Variants in HOOK3 observed in about 807,000 individuals in gnomAD.
HOOK3 encodes the protein protein Hook homolog 3.
HOOK3 carries 24 observed loss-of-function variants against 116.3 expected under a neutral mutation model. The ratio of observed to expected loss-of-function variants is 0.21; its 90% CI spans 0.15 to 0.29. The LOEUF (loss-of-function observed/expected upper bound fraction) is 0.29. Among genes scored for constraint, HOOK3 ranks in the 10% least tolerant of loss-of-function variants. HOOK3 has a pLI of 1.00. For synonymous variants in HOOK3, 275 were observed against 283.0 expected, an observed-to-expected ratio of 0.97 and a Z score of 0.28; for missense variants, 632 against 830.2, an observed-to-expected ratio of 0.76 and a Z score of 2.93.
chr8:42,920,723 T>C (rs1024833038), intron 2 of HOOK3, among the ~76,000 whole-genome samples: 4 of 152,198 alleles, frequency 2.6e-5, no homozygotes, highest in Non-Finnish European at 5.9e-5. Context: ...ACAAAAATGA[T>C]TGTACTGTCA....
chr8:42,939,366 C>T (rs1808046237), intron 4 of HOOK3, among the ~76,000 whole-genome samples: 1 of 150,986 alleles, frequency 6.6e-6, no homozygotes, highest in South Asian at 2.1e-4. Flanking sequence ...CCACCTCCCT[C>T]CTGGACGGGG....
intron 2 of HOOK3, among the ~76,000 whole-genome samples, chr8:42,909,631 TTTG>T (rs762575184): frequency 1.2e-4 from 19 of 152,180 alleles, no homozygotes; most frequent in South Asian, 4.2e-4. Flanking sequence ...CCCAGCCTTT[TTTG>T]TTGTTGTTGT....
At chr8:43,001,070 C>A (rs1177141191) in intron 16 of HOOK3, 1 of 151,572 alleles carries the variant, frequency 6.6e-6, no homozygotes, top group Non-Finnish European at 1.5e-5. Context: ...AAGTTTGAGA[C>A]CAACCTGGGC....
chr8:42,916,763 C>T (rs1039617149), intron 2 of HOOK3, among the ~76,000 whole-genome samples: 1 of 152,204 alleles, frequency 6.6e-6, no homozygotes, highest in African/African-American at 2.4e-5. Context: ...TATCAACCTA[C>T]TGTCTGTCTC....
chr8:42,978,358 C>T (rs1245919280), intron 13 of HOOK3, among the ~76,000 whole-genome samples: 2 of 151,692 alleles, frequency 1.3e-5, no homozygotes, highest in African/African-American at 4.9e-5. Flanking sequence ...ATTCTCTTGC[C>T]TCAGCCTCCT....
chr8:42,962,693 C>A (rs1316845897), intron 8 of HOOK3, among the ~76,000 whole-genome samples: 1 of 152,026 alleles, frequency 6.6e-6, no homozygotes, highest in Non-Finnish European at 1.5e-5. Flanking sequence ...GCAGGAGCCA[C>A]CATGCCAGCC....
chr8:43,029,338 C>CG lies in HOOK3; in HGVS notation c.*10844dup, dbSNP rs1280624963. On this transcript the variant is annotated 3_prime_UTR_variant, in exon 22 of 22. Transcript: ENST00000307602. ...CTAATTTTTGTATTTTTAGTAGAGA[C>CG]GGGGTTTCACCTTGTTGGCCAGGAT... 2 of 165,590 alleles carry CG rather than the reference C, an allele frequency of 1.2e-5. No individual in the cohort carries two copies. The highest frequency in any genetic ancestry group is 2.6e-5 in the Non-Finnish European group (2 of 75,904). The allele number at this position is 165,590 out of a possible 1,614,324, so 10.3% of individuals were successfully genotyped here.
At chr8:43,005,123 A>G (rs1046834599) in intron 17 of HOOK3, among the ~76,000 whole-genome samples, 1 of 151,604 alleles carries the variant, frequency 6.6e-6, no homozygotes, top group African/African-American at 2.4e-5. Context: ...TGAAAGATGC[A>G]AGTCAGAATA....
At chr8:42,965,327 ACG>A (rs1491211857) in intron 9 of HOOK3, among the ~76,000 whole-genome samples, 2 of 147,218 alleles carry the variant, frequency 1.4e-5, no homozygotes, top group African/African-American at 5.2e-5. Context: ...AAATCTATAT[ACG>A]TGTGTGTGTG....
Position 42,968,049 on chromosome 8 carries a change from AG to A in HOOK3, c.958del (p.Val320Ter). Reference protein sequence around the residue: ...SDKVSKLEGQVESYKKKLEDL... With the variant: ...SDKVSKLEGQXESYKKKLEDL... ...ATAAAGTATCTAAACTAGAAGGTCA[AG>A]TAGAATCTTATAAAAAGAAGCTAGA... On this transcript the variant is annotated frameshift_variant, in exon 11 of 22. Coordinates refer to ENST00000307602, the MANE Select transcript of HOOK3 (RefSeq NM_032410.4). LOFTEE classifies it high-confidence loss of function. 1 of 1,603,850 alleles carries A rather than the reference AG, an allele frequency of 6.2e-7. No homozygotes were observed. The highest frequency in any genetic ancestry group is 8.5e-7 in the Non-Finnish European group (1 of 1,170,812).
chr8:43,007,065 C>T (rs1180177815), intron 17 of HOOK3, among the ~76,000 whole-genome samples: 1 of 111,298 alleles, frequency 9.0e-6, no homozygotes, highest in African/African-American at 3.5e-5. Flanking sequence ...CTCACTCTGT[C>T]ATCCAGGCTG....
chr8:43,011,020 T>G (rs1347707136), intron 19 of HOOK3, among the ~76,000 whole-genome samples: 3 of 150,862 alleles, frequency 2.0e-5, no homozygotes, highest in African/African-American at 4.9e-5. Flanking sequence ...TGAGATGGAG[T>G]CTCGCTCTGT....
chr8:43,018,317 C>G, intron 21 of HOOK3, 41 bp from the exon 22 acceptor site: 1 of 1,536,454 alleles, frequency 6.5e-7, no homozygotes, highest in South Asian at 1.3e-5. Flanking sequence ...GTATGTTCCA[C>G]TATTTTTTCA....
At chr8:42,909,866 C>T (rs989296245) in intron 2 of HOOK3, among the ~76,000 whole-genome samples, 1 of 152,152 alleles carries the variant, frequency 6.6e-6, no homozygotes. Context: ...CACCATCTCA[C>T]TTATGTGGAA....
chr8:42,986,958 A>G (rs1809059932), intron 15 of HOOK3, among the ~76,000 whole-genome samples, 163 bp downstream of exon 15: 1 of 152,172 alleles, frequency 6.6e-6, no homozygotes, highest in South Asian at 2.1e-4. Context: ...GGAGTTCAAG[A>G]CCAGCCTGGG....
chr8:42,962,796 C>CTTCTTTTTTTTTTT (rs1554512590), intron 8 of HOOK3, among the ~76,000 whole-genome samples: 4 of 99,350 alleles, frequency 4.0e-5, no homozygotes, highest in African/African-American at 1.7e-4. Context: ...ACTTCTTCTT[C>CTTCTTTTTTTTTTT]TTTTTTTTTT....
intron 1 of HOOK3, 129 bp from the exon 2 acceptor site, chr8:42,906,044 G>T (rs1438963314): frequency 1.5e-6 from 1 of 687,010 alleles, no homozygotes; most frequent in Non-Finnish European, 2.6e-6. Context: ...CCAAGATGGG[G>T]CCATTGCACT....
At position 42,985,922 on chromosome 8, in the gene HOOK3, C is replaced by A. The variant is rs150047073; in HGVS notation, c.1392-733C>A. ...CTTTCTTTCTTTGATTTTTCTTTAT[C>A]CACAAGAAGCTTTTCCACAGCTTTT... On this transcript the variant is annotated intron_variant, in intron 14 of 21. Transcript: ENST00000307602. Among the ~76,000 whole-genome samples the A allele has an allele frequency of 4.9e-3, 745 of 152,264 alleles. 4 individuals carry two copies. The highest frequency in any genetic ancestry group is 0.017 in the African/African-American group (715 of 41,558).
chr8:42,982,248 C>G (rs1227698602), intron 13 of HOOK3, among the ~76,000 whole-genome samples: 4 of 128,154 alleles, frequency 3.1e-5, no homozygotes, highest in African/African-American at 1.2e-4. Flanking sequence ...GAGTGAGACT[C>G]TGTCTTAAAA....
Sources: allele counts gnomAD v4.1 joint callset (sites outside exome capture counted in the v4.1 genomes callset), GRCh38; gene constraint gnomAD v4.1.1; transcripts MANE v1.5; gene names NCBI Gene and HGNC (gene_info 2026-07-23, HGNC 2026-07-21).